RNF4: variants seen among roughly 807,000 people sequenced by gnomAD.
The protein encoded by RNF4 is ring finger protein 4.
A neutral mutation model predicts 24.3 loss-of-function variants in RNF4; 7 were observed. That is an observed-to-expected ratio of 0.29 (90% CI 0.16 to 0.54). The LOEUF is 0.54. RNF4 is among the 20% of genes least tolerant of loss of function. The pLI, the probability that RNF4 is intolerant of heterozygous loss-of-function variation, is 0.95. For synonymous variants in RNF4, 83 were observed against 84.3 expected (o/e 0.98, Z 0.09); for missense variants, 209 against 248.5 (o/e 0.84, Z 1.07).
At chr4:2,488,371 G>C (rs564969295) in intron 1 of RNF4, among the ~76,000 whole-genome samples, 47 of 152,334 alleles carry the variant, frequency 3.1e-4, no homozygotes, top group Non-Finnish European at 6.3e-4. Context: ...GCTGAGGCAG[G>C]AGAATCACTT....
At position 2,512,481 on chromosome 4, in the gene RNF4, C is replaced by T; in HGVS notation, c.258C>T (p.Asp86=). Residue 86 remains aspartate, a synonymous_variant, in exon 6 of 8, where the codon GAC becomes GAT. Transcript: ENST00000314289. This position sits in a 1 kb window ranked among gnomAD's most constrained non-coding sequence, Gnocchi z 4.1. ...PRRNARRLPQ[D]HADSCVVSSD... ...GGAATGCTAGGAGGCTGCCCCAGGA[C>T]CATGCTGACAGCTGTGTGGTGAGCA... The T allele has an allele frequency of 1.2e-6, 2 of 1,613,624 alleles. No homozygotes were observed. The highest frequency in any genetic ancestry group is 1.7e-6 in the Non-Finnish European group (2 of 1,179,738).
intron 4 of RNF4, among the ~76,000 whole-genome samples, chr4:2,502,403 A>G (rs1443296398): frequency 6.6e-6 from 1 of 152,102 alleles, no homozygotes. Flanking sequence ...ACAGGGTCTC[A>G]GGCTGGGCGC....
chr4:2,471,629 G>A (rs1445926832), intron 1 of RNF4, among the ~76,000 whole-genome samples: 1 of 152,220 alleles, frequency 6.6e-6, no homozygotes, highest in Non-Finnish European at 1.5e-5. Context: ...AGTTGTGAAT[G>A]CAGAGGAAGA....
intron 1 of RNF4, among the ~76,000 whole-genome samples, chr4:2,470,733 G>C (rs757120652): frequency 1.3e-5 from 2 of 152,054 alleles, no homozygotes; most frequent in Non-Finnish European, 2.9e-5. Flanking sequence ...TTTCTGCTTG[G>C]AATACAGCAG....
At chr4:2,478,162 AG>A (rs893449015) in intron 1 of RNF4, among the ~76,000 whole-genome samples, 10 of 152,212 alleles carry the variant, frequency 6.6e-5, no homozygotes, top group Non-Finnish European at 1.3e-4. Context: ...AAGATGATTT[AG>A]GGTATCTGGC....
chr4:2,497,016 C>G lies in RNF4; in HGVS notation c.19C>G (p.Arg7Gly). The G allele has an allele frequency of 6.2e-7, 1 of 1,600,290 alleles. No individual in the cohort carries two copies. The highest frequency in any genetic ancestry group is 8.5e-7 in the Non-Finnish European group (1 of 1,173,634). Residue 7 changes from arginine (R) to glycine (G), a missense_variant, in exon 3 of 8, where the codon CGT (arginine) becomes GGT (glycine). Arg to Gly is a moderately radical substitution (Grantham distance 125). This residue lies in a region of RNF4 where 182 missense variants were observed against 197.2 expected (regional missense o/e 0.92). Coordinates refer to ENST00000314289, the MANE Select transcript of RNF4 (RefSeq NM_002938.5). MSTRKRRGGAINSRQAQ... is the reference protein window; with the variant it reads MSTRKRGGGAINSRQAQ... The stretch of plus-strand genomic sequence containing the variant: ...CCCCCTTGCTACTCAGAGAAAGCGT[C>G]GTGGTGGAGCAATAAATTCTAGACA...
intron 2 of RNF4, among the ~76,000 whole-genome samples, chr4:2,496,181 G>T (rs1735730573): frequency 6.6e-6 from 1 of 152,174 alleles, no homozygotes; most frequent in Non-Finnish European, 1.5e-5. Context: ...TGATTGTCTG[G>T]TGTGAATCAC....
intron 1 of RNF4, among the ~76,000 whole-genome samples, chr4:2,487,828 T>G (rs1479955115): frequency 6.6e-6 from 1 of 152,170 alleles, no homozygotes; most frequent in Non-Finnish European, 1.5e-5. Context: ...GGATTTCCCC[T>G]CTAAACCATT....
Position 2,490,403 on chromosome 4 carries a change from G to A in RNF4, c.-91G>A. The A allele has an allele frequency of 2.3e-6, 3 of 1,296,290 alleles. No individual in the cohort carries two copies. The highest frequency in any genetic ancestry group is 2.3e-5 in the East Asian group (1 of 42,554). The allele number at this position is 1,296,290 out of a possible 1,614,324, so 80.3% of individuals were successfully genotyped here. ...TGCAAGCCAGATGAGTAACCAGAGG[G>A]CATGAAAGGTTGAGAACATTTGACT... On this transcript the variant is annotated 5_prime_UTR_variant, in exon 2 of 8. Transcript: ENST00000314289.
rs775661486 is a variant in RNF4 at position 2,473,741 on chromosome 4, G to A, written c.-158+4483G>A. The stretch of plus-strand genomic sequence containing the variant: ...CAGAGAATTGCTTAAACCTGGAGGG[G>A]CAGAGGTTGTGGTGAGCCGAGATCA... On this transcript the variant is annotated intron_variant, in intron 1 of 7. Transcript: ENST00000314289. 9.5e-4 allele frequency among the ~76,000 whole-genome samples: 144 copies of A among 151,420 alleles called. 2 individuals carry two copies. The highest frequency in any genetic ancestry group is 1.9e-4 in the Non-Finnish European group (13 of 67,806).
In RNF4 at chr4:2,512,283, C is replaced by A; in HGVS notation, c.215-155C>A. The stretch of plus-strand genomic sequence containing the variant: ...TAAGATAGTGGCCTCCAGAGCTGGG[C>A]AGAACCTTCTGGGTTATAGCTGAGC... On this transcript the variant is annotated intron_variant, in intron 5 of 7. Coordinates refer to ENST00000314289, the MANE Select transcript of RNF4 (RefSeq NM_002938.5). This position sits in a 1 kb window ranked among gnomAD's most constrained non-coding sequence, Gnocchi z 4.1. 3 of 917,750 alleles carry A rather than the reference C, an allele frequency of 3.3e-6. No individual in the cohort carries two copies. The highest frequency in any genetic ancestry group is 1.5e-5 in the South Asian group (1 of 66,790). The allele number at this position is 917,750 out of a possible 1,614,324, so 56.9% of individuals were successfully genotyped here. A position where few individuals can be genotyped will look rare whatever the true frequency, so the allele number is the denominator to read the frequency against.
At chr4:2,513,642 G>A (rs755056389) in intron 7 of RNF4, 28 bp from the exon 8 acceptor site, 22 of 1,611,324 alleles carry the variant, frequency 1.4e-5, no homozygotes, top group African/African-American at 2.7e-5. Context: ...GGGCAAACTC[G>A]GAGGCTCTTC....
At chr4:2,501,504 G>T (rs932970369) in intron 4 of RNF4, among the ~76,000 whole-genome samples, 1 of 152,224 alleles carries the variant, frequency 6.6e-6, no homozygotes, top group Non-Finnish European at 1.5e-5. Flanking sequence ...TGTCCTGCCT[G>T]CCAGGAGGGA....
chr4:2,494,111 C>T (rs1011123260), intron 2 of RNF4, among the ~76,000 whole-genome samples: 1 of 152,076 alleles, frequency 6.6e-6, no homozygotes, highest in African/African-American at 2.4e-5. Context: ...ATTAAAGAGT[C>T]CTAAGTGTTT....
intron 1 of RNF4, among the ~76,000 whole-genome samples, chr4:2,473,821 A>AG (rs1734985634): frequency 6.6e-6 from 1 of 151,986 alleles, no homozygotes; most frequent in Admixed American, 6.6e-5. Flanking sequence ...GAAAAAAAAA[A>AG]GTAGAGCCTG....
intron 1 of RNF4, among the ~76,000 whole-genome samples, chr4:2,472,308 A>G (rs1395013568): frequency 3.9e-5 from 6 of 152,240 alleles, no homozygotes; most frequent in South Asian, 2.1e-4. Flanking sequence ...TACAGCTCAG[A>G]AAAAAAGATT....
chr4:2,495,888 C>T (rs1047758521), intron 2 of RNF4, among the ~76,000 whole-genome samples: 1 of 152,216 alleles, frequency 6.6e-6, no homozygotes, highest in Non-Finnish European at 1.5e-5. Context: ...GCCTCTGCCT[C>T]CCAAAGTGCT....
At chr4:2,478,803 GT>G (rs1414003693) in intron 1 of RNF4, among the ~76,000 whole-genome samples, 1 of 152,238 alleles carries the variant, frequency 6.6e-6, no homozygotes, top group African/African-American at 2.4e-5. Flanking sequence ...GAAATGTGGG[GT>G]TGGAGCCCCC....
chr4:2,492,154 G>C (rs1224210355), intron 2 of RNF4, among the ~76,000 whole-genome samples: 1 of 151,416 alleles, frequency 6.6e-6, no homozygotes, highest in South Asian at 2.1e-4. Flanking sequence ...AGCTGAGATC[G>C]TGCCACTGCA....
Sources: allele counts gnomAD v4.1 joint callset (sites outside exome capture counted in the v4.1 genomes callset), GRCh38; gene constraint gnomAD v4.1.1; regional missense constraint gnomAD v4.1.1; non-coding constraint Gnocchi (gnomAD v3.1); transcripts MANE v1.5; gene names NCBI Gene and HGNC (gene_info 2026-07-23, HGNC 2026-07-21).